Variants in ANKRD28 observed in about 807,000 individuals in gnomAD.
ANKRD28 encodes the protein ankyrin repeat domain 28.
In ANKRD28, 44 loss-of-function variants were observed where a neutral mutation model predicts 126.5. The ratio of observed to expected loss-of-function variants is 0.35; its 90% CI spans 0.27 to 0.45. The LOEUF is 0.45. Ranked by LOEUF, ANKRD28 falls within the 20% of genes least tolerant of loss-of-function variation. The pLI is 1.00. For missense variants in ANKRD28, 1,110 were observed against 1,316.6 expected, an observed-to-expected ratio of 0.84 and a Z score of 2.43; for synonymous variants, 442 against 468.5, an observed-to-expected ratio of 0.94 and a Z score of 0.73.
At chr3:15,859,419 GC>G in exon 1 of ANKRD28, 1 of 1,523,038 alleles carries the variant, frequency 6.6e-7, no homozygotes, top group Non-Finnish European at 8.8e-7. Context: ...TCGCCTCCGC[GC>G]CCACTCCAGC....
chr3:15,696,751 T>C (rs2069637674), intron 14 of ANKRD28, among the ~76,000 whole-genome samples: 1 of 152,152 alleles, frequency 6.6e-6, no homozygotes, highest in South Asian at 2.1e-4. Context: ...AGAAGAGGTA[T>C]ATAAACAGAG....
chr3:15,858,698 C>T (rs2061826894), intron 1 of ANKRD28, among the ~76,000 whole-genome samples: 1 of 152,146 alleles, frequency 6.6e-6, no homozygotes, highest in Admixed American at 6.5e-5. Context: ...CTTCAAAAGC[C>T]TTATTACCCA....
intron 4 of ANKRD28, among the ~76,000 whole-genome samples, chr3:15,749,830 A>G (rs1172884231): frequency 6.6e-6 from 1 of 152,178 alleles, no homozygotes; most frequent in Non-Finnish European, 1.5e-5. Flanking sequence ...ATGTCTGTAA[A>G]GAGTCCTGTG....
chr3:15,695,259 C>CAG lies in ANKRD28; in HGVS notation c.1660-46_1660-45insCT, dbSNP rs552091024. On this transcript the variant is annotated intron_variant, in intron 15 of 27. Coordinates refer to ENST00000683139, the MANE Select transcript of ANKRD28 (RefSeq NM_001349278.2). Reference sequence around the variant, plus strand: ...AAAAATATTTAGCTTGGGAAGTATTCATCTATATTAAGTCTCAACTTATAT... The same window carrying CAG: ...AAAAATATTTAGCTTGGGAAGTATTCAGATCTATATTAAGTCTCAACTTATAT... The CAG allele has an allele frequency of 2.3e-5, 32 of 1,400,798 alleles. No homozygotes were observed. In the East Asian group the frequency reaches 2.4e-4, roughly 11 times the overall value. 86.8% of individuals were successfully genotyped at this position (1,400,798 alleles called of 1,614,324 possible). A position where few individuals can be genotyped will look rare whatever the true frequency, so the allele number is the denominator to read the frequency against.
chr3:15,694,655 A>T (rs549499084), intron 17 of ANKRD28, 84 bp downstream of exon 17: 11 of 1,165,672 alleles, frequency 9.4e-6, no homozygotes, highest in Admixed American at 9.2e-5. Flanking sequence ...AGTTTATGGT[A>T]CTAGTTTGAG....
chr3:15,715,551 T>TAA (rs2072904554), intron 8 of ANKRD28, among the ~76,000 whole-genome samples: 1 of 152,200 alleles, frequency 6.6e-6, no homozygotes, highest in South Asian at 2.1e-4. Flanking sequence ...ACAGAAGTTC[T>TAA]AATCTTTTGG....
At position 15,797,572 on chromosome 3, in the gene ANKRD28, G is replaced by A. The variant is rs928279978; in HGVS notation, c.-1051C>T. On this transcript the variant is annotated 5_prime_UTR_variant, in exon 1 of 28. Transcript: ENST00000683139. ...TTTGTTTTCTTTAAAAAAAAAAAGG[G>A]GGGGGAAAAACATAGTAGTGTATCA... 5.9e-5 allele frequency: 58 copies of A among 984,908 alleles called. No homozygotes were observed. Among genetic ancestry groups the A allele is most frequent in the Non-Finnish European group, 6.9e-5 (57 of 829,788 alleles). 61.0% of individuals were successfully genotyped at this position (984,908 alleles called of 1,614,324 possible).
intron 1 of ANKRD28, among the ~76,000 whole-genome samples, chr3:15,852,682 A>C (rs1349197742): frequency 6.6e-6 from 1 of 151,442 alleles, no homozygotes; most frequent in East Asian, 1.9e-4. Context: ...AAATACAAAA[A>C]ATTAGCCAGG....
chr3:15,714,712 T>A, intron 8 of ANKRD28, 56 bp from the exon 9 acceptor site: 1 of 1,247,544 alleles, frequency 8.0e-7, no homozygotes, highest in Non-Finnish European at 1.1e-6. Context: ...GTGTAAACCT[T>A]AGTTTTACTT....
At chr3:15,789,534 C>G (rs1233023355) in intron 2 of ANKRD28, among the ~76,000 whole-genome samples, 1 of 152,044 alleles carries the variant, frequency 6.6e-6, no homozygotes. Flanking sequence ...CAGCAGTCAT[C>G]TCTTTATTAT....
intron 14 of ANKRD28, among the ~76,000 whole-genome samples, chr3:15,702,395 T>C (rs2070747078): frequency 6.6e-6 from 1 of 152,188 alleles, no homozygotes; most frequent in Non-Finnish European, 1.5e-5. Context: ...GTTTGCACAT[T>C]AACACATGTT....
At chr3:15,691,057 T>C (rs1575168729) in intron 17 of ANKRD28, among the ~76,000 whole-genome samples, 2 of 151,962 alleles carry the variant, frequency 1.3e-5, no homozygotes, top group Admixed American at 1.3e-4. Context: ...TGCTTGAATA[T>C]CACCACATAC....
At chr3:15,760,072 T>A (rs898497569) in intron 3 of ANKRD28, among the ~76,000 whole-genome samples, 2 of 152,142 alleles carry the variant, frequency 1.3e-5, no homozygotes, top group African/African-American at 2.4e-5. Context: ...TAAGAACTCA[T>A]TGATCTAAGA....
intron 3 of ANKRD28, among the ~76,000 whole-genome samples, chr3:15,755,329 A>G (rs2058096974): frequency 6.6e-6 from 1 of 152,214 alleles, no homozygotes; most frequent in Non-Finnish European, 1.5e-5. Flanking sequence ...AATATGACAC[A>G]GTAATGTACA....
At chr3:15,685,489 A>C in intron 20 of ANKRD28, 44 bp from the exon 21 acceptor site, 1 of 1,574,416 alleles carries the variant, frequency 6.4e-7, no homozygotes, top group South Asian at 1.1e-5. Context: ...ATTATGCTAA[A>C]CATTACATGC....
rs28392890 is a variant in ANKRD28, at chr3:15,723,988, T to C, written c.783+394A>G. Among the ~76,000 whole-genome samples, 746 of 152,282 alleles carry C rather than the reference T, an allele frequency of 4.9e-3. 7 individuals are homozygous for C. Among genetic ancestry groups the C allele is most frequent in the African/African-American group, 0.017 (691 of 41,546 alleles). ...TGTTTTCCTGCCTAGCTCTTGCCAATATTCTGTAATGCAAACTGCTACAGT... is the reference window on the plus strand; with the variant it reads ...TGTTTTCCTGCCTAGCTCTTGCCAACATTCTGTAATGCAAACTGCTACAGT... On this transcript the variant is annotated intron_variant, in intron 7 of 27. Transcript: ENST00000683139.
At position 15,814,067 on chromosome 3, in the gene ANKRD28, G is replaced by A. The variant is rs80027796; in HGVS notation, c.28-18761C>T. ...TATACTAAGTCTTCCACTAACACAGGGTCCACTACTATAAATGTTTCTACA... is the reference window on the plus strand; with the variant it reads ...TATACTAAGTCTTCCACTAACACAGAGTCCACTACTATAAATGTTTCTACA... On this transcript the variant is annotated intron_variant, in intron 1 of 27. Transcript: ENST00000399451. The surrounding 1 kb of genome is among the most constrained non-coding windows in gnomAD (Gnocchi z 4.7). Among the ~76,000 whole-genome samples, 1 of 151,900 alleles carries A rather than the reference G, an allele frequency of 6.6e-6. No homozygotes were observed. The highest frequency in any genetic ancestry group is 2.1e-4 in the South Asian group (1 of 4,808).
chr3:15,754,733 A>G (rs1217591323), intron 3 of ANKRD28, among the ~76,000 whole-genome samples: 1 of 152,206 alleles, frequency 6.6e-6, no homozygotes, highest in Non-Finnish European at 1.5e-5. Context: ...GGGGGTGCTT[A>G]TACGTTTGTG....
At chr3:15,850,204 A>AAAAT (rs1486394619) in intron 1 of ANKRD28, among the ~76,000 whole-genome samples, 23 of 54,822 alleles carry the variant, frequency 4.2e-4, no homozygotes, top group African/African-American at 5.9e-4. Context: ...AAAAAAAAAA[A>AAAAT]ATATATATAT....
Sources: gnomAD v4.1 joint callset for allele counts (sites outside exome capture counted in the v4.1 genomes callset) on GRCh38, gnomAD v4.1.1 for gene constraint, Gnocchi (gnomAD v3.1) non-coding constraint, MANE v1.5 for transcripts, NCBI Gene and HGNC (gene_info 2026-07-23, HGNC 2026-07-21) for gene names.